The following PUM3 variants were observed in gnomAD, a reference collection of about 807,000 sequenced individuals.
PUM3 encodes pumilio RNA binding family member 3.
A neutral mutation model predicts 84.0 loss-of-function variants in PUM3; 91 were observed. That is an observed-to-expected ratio of 1.08 (90% CI 0.91 to 1.29). The LOEUF (loss-of-function observed/expected upper bound fraction) is 1.29. Among genes scored for constraint, PUM3 ranks in the 50% most tolerant of loss-of-function variants. The pLI is 0.00. For missense variants in PUM3, 1,067 were observed against 767.5 expected (o/e 1.39, Z -4.61); for synonymous variants, 321 against 266.7 (o/e 1.20, Z -1.98).
chr9:2,844,040 C>G lies in PUM3; in HGVS notation c.-11+5G>C, dbSNP rs535173137. ...AAGAGCGACCGCTGAGCCTGCCACACTCACCGCACACGTGGGACCGAGACA... is the reference window on the plus strand; with the variant it reads ...AAGAGCGACCGCTGAGCCTGCCACAGTCACCGCACACGTGGGACCGAGACA... On this transcript the variant is annotated splice_donor_5th_base_variant and intron_variant, in intron 1 of 17. Coordinates refer to ENST00000397885, the MANE Select transcript of PUM3 (RefSeq NM_014878.5). 1 of 156,332 alleles carries G rather than the reference C, an allele frequency of 6.4e-6. No homozygotes were observed. The highest frequency in any genetic ancestry group is 2.1e-4 in the South Asian group (1 of 4,832). 9.7% of individuals were successfully genotyped at this position (156,332 alleles called of 1,614,324 possible).
intron 17 of PUM3, among the ~76,000 whole-genome samples, chr9:2,807,526 C>T (rs1451455187): frequency 7.1e-6 from 1 of 141,388 alleles, no homozygotes. Flanking sequence ...AAACTTGAGC[C>T]CAGGAGGTTG....
chr9:2,843,788 C>G (rs1007987539), intron 1 of PUM3, among the ~76,000 whole-genome samples: 1 of 151,930 alleles, frequency 6.6e-6, no homozygotes, highest in African/African-American at 2.4e-5. Context: ...CCGTGTTAGC[C>G]AGGATGGTCT....
chr9:2,843,717 C>G (rs963442074), intron 1 of PUM3, among the ~76,000 whole-genome samples: 1 of 151,652 alleles, frequency 6.6e-6, no homozygotes, highest in Non-Finnish European at 1.5e-5. Context: ...TAGCTGGGAC[C>G]ACAGGCGCCC....
intron 4 of PUM3, 102 bp from the exon 5 acceptor site, chr9:2,833,534 G>T: frequency 1.7e-6 from 1 of 588,862 alleles, no homozygotes; most frequent in South Asian, 2.8e-5. Flanking sequence ...AGTTCAGCAT[G>T]ATTTTCTTTT....
intron 17 of PUM3, among the ~76,000 whole-genome samples, chr9:2,804,977 T>A (rs117151807): frequency 6.6e-6 from 1 of 152,154 alleles, no homozygotes; most frequent in African/African-American, 2.4e-5. Flanking sequence ...AGCACTAACA[T>A]TGAGTGAAAG....
intron 10 of PUM3, among the ~76,000 whole-genome samples, chr9:2,826,721 A>AC (rs1563831812): frequency 6.7e-6 from 1 of 149,964 alleles, no homozygotes; most frequent in African/African-American, 2.4e-5. Context: ...TGCCAAGCTA[A>AC]TTTTTTTTTT....
chr9:2,837,222 ATT>A lies in PUM3; in HGVS notation c.260_261del (p.Lys87IlefsTer12), dbSNP rs761455594. The A allele has an allele frequency of 4.1e-5, 66 of 1,613,966 alleles. No individual in the cohort carries two copies. Among genetic ancestry groups the A allele is most frequent in the Admixed American group, 1.2e-4 (7 of 59,990 alleles). On this transcript the variant is annotated frameshift_variant, in exon 3 of 18. Coordinates refer to ENST00000397885, the MANE Select transcript of PUM3 (RefSeq NM_014878.5). LOFTEE classifies it high-confidence loss of function. ...SPKNKFQPANKFNKKRKFQPD... is the reference protein window; with the variant it reads ...SPKNKFQPANXFNKKRKFQPD... ...GGCTGGAATTTTCTCTTCTTGTTGA[ATT>A]TATTTGCCGGCTGGAATTTGTTCTT...
At chr9:2,839,325 T>A (rs774892519) in intron 1 of PUM3, among the ~76,000 whole-genome samples, 1 of 152,190 alleles carries the variant, frequency 6.6e-6, no homozygotes, top group African/African-American at 2.4e-5. Flanking sequence ...AAACAACAGA[T>A]GTTAGGGATC....
intron 6 of PUM3, 22 bp from the exon 7 acceptor site, chr9:2,831,050 C>T (rs1245895252): frequency 8.1e-7 from 1 of 1,230,304 alleles, no homozygotes; most frequent in African/African-American, 1.5e-5. Flanking sequence ...AAATACATTA[C>T]AGTGACTTCA....
intron 12 of PUM3, among the ~76,000 whole-genome samples, chr9:2,821,746 T>A (rs1290074040): frequency 2.6e-5 from 4 of 152,182 alleles, no homozygotes; most frequent in Non-Finnish European, 5.9e-5. Flanking sequence ...ATCCAGTGAT[T>A]CTAGTTCTAG....
At chr9:2,815,412 G>A (rs1185503759) in intron 13 of PUM3, among the ~76,000 whole-genome samples, 6 of 152,154 alleles carry the variant, frequency 3.9e-5, no homozygotes, top group Admixed American at 6.5e-5. Flanking sequence ...CACATGGTGT[G>A]TACTAACAAT....
chr9:2,832,858 G>T (rs1816021452), intron 5 of PUM3, among the ~76,000 whole-genome samples: 1 of 152,202 alleles, frequency 6.6e-6, no homozygotes, highest in South Asian at 2.1e-4. Flanking sequence ...AGAGTCACAG[G>T]AAATTTATTA....
intron 8 of PUM3, among the ~76,000 whole-genome samples, chr9:2,829,433 G>C (rs975770838): frequency 2.0e-5 from 3 of 152,210 alleles, no homozygotes; most frequent in Admixed American, 6.5e-5. Context: ...ACTTCAGCCA[G>C]AGCTGGTTGG....
At chr9:2,828,464 A>C (rs530844125) in intron 9 of PUM3, 1 of 472,042 alleles carries the variant, frequency 2.1e-6, no homozygotes, top group African/African-American at 2.0e-5. Flanking sequence ...TCACGAATGC[A>C]TGTTAGTTAT....
chr9:2,840,302 A>G (rs1437225230), intron 1 of PUM3, among the ~76,000 whole-genome samples: 1 of 152,232 alleles, frequency 6.6e-6, no homozygotes, highest in Non-Finnish European at 1.5e-5. Context: ...TCCAGCCCAA[A>G]GTCAGAGGAA....
At chr9:2,843,395 C>T (rs1260295198) in intron 1 of PUM3, among the ~76,000 whole-genome samples, 4 of 151,984 alleles carry the variant, frequency 2.6e-5, no homozygotes, top group Non-Finnish European at 5.9e-5. Context: ...CGTTTCCTCC[C>T]AGCACTTAGA....
chr9:2,835,910 G>A (rs1816107461), intron 3 of PUM3, among the ~76,000 whole-genome samples: 3 of 152,142 alleles, frequency 2.0e-5, no homozygotes, highest in African/African-American at 4.8e-5. Context: ...AGAAATTAAT[G>A]TATATGTGTT....
In PUM3 at chr9:2,838,422, T is replaced by C; in HGVS notation, c.82+4A>G. ...CAAACACCCACATGGGAAGCATATC[T>C]TACCACTATTTTTATGAAATCTGTT... is the stretch of plus-strand genomic sequence containing the variant. On this transcript the variant is annotated splice_donor_region_variant and intron_variant, in intron 2 of 17. Transcript: ENST00000397885. 2 of 1,599,678 alleles carry C rather than the reference T, an allele frequency of 1.3e-6. No individual in the cohort carries two copies. The highest frequency in any genetic ancestry group is 1.7e-6 in the Non-Finnish European group (2 of 1,167,028).
intron 10 of PUM3, among the ~76,000 whole-genome samples, chr9:2,825,727 G>C (rs998839352): frequency 6.6e-6 from 1 of 151,994 alleles, no homozygotes; most frequent in African/African-American, 2.4e-5. Flanking sequence ...TGATCTGCCC[G>C]CCTCGGGTTC....
Sources: gnomAD v4.1 joint callset for allele counts (sites outside exome capture counted in the v4.1 genomes callset) on GRCh38, gnomAD v4.1.1 for gene constraint, MANE v1.5 for transcripts, NCBI Gene and HGNC (gene_info 2026-07-23, HGNC 2026-07-21) for gene names.